The following PRKAG2 variants were observed in gnomAD, a reference collection of about 807,000 sequenced individuals.
The protein encoded by PRKAG2 is protein kinase AMP-activated non-catalytic subunit gamma 2.
In PRKAG2, 26 loss-of-function variants were observed where a neutral mutation model predicts 69.6. The observed-to-expected ratio is 0.37, with a 90% confidence interval of 0.27 to 0.52. The LOEUF is 0.52. Among genes scored for constraint, PRKAG2 ranks in the 20% least tolerant of loss-of-function variants. The pLI is 0.90. For synonymous variants in PRKAG2, 293 were observed against 285.0 expected, an observed-to-expected ratio of 1.03 and a Z score of -0.28; for missense variants, 557 against 740.0, an observed-to-expected ratio of 0.75 and a Z score of 2.87.
intron 5 of PRKAG2, among the ~76,000 whole-genome samples, chr7:151,604,113 C>T (rs574711771): frequency 6.6e-6 from 1 of 152,250 alleles, no homozygotes; most frequent in East Asian, 1.9e-4. Flanking sequence ...GGTCCTCCAG[C>T]ACTGCCTTCA....
intron 3 of PRKAG2, among the ~76,000 whole-genome samples, chr7:151,770,178 G>A (rs374815471): frequency 9.9e-5 from 15 of 152,100 alleles, no homozygotes; most frequent in African/African-American, 3.6e-4. Context: ...TTGCAGGTTC[G>A]ACACAACCGA....
intron 1 of PRKAG2, among the ~76,000 whole-genome samples, chr7:151,819,004 T>C (rs748007082): frequency 1.3e-5 from 2 of 152,238 alleles, no homozygotes; most frequent in Non-Finnish European, 2.9e-5. Flanking sequence ...GTGAACATCC[T>C]TGTTGAAATT....
rs558340980 is a variant in PRKAG2, at chr7:151,596,154, T to C, written c.755-700A>G. Among the ~76,000 whole-genome samples, 227 of 152,162 alleles carry C rather than the reference T, an allele frequency of 1.5e-3. 1 individual carries two copies. The highest frequency in any genetic ancestry group is 2.7e-3 in the Non-Finnish European group (184 of 67,992). On this transcript the variant is annotated intron_variant, in intron 5 of 15. Coordinates refer to ENST00000287878, the MANE Select transcript of PRKAG2 (RefSeq NM_016203.4). ...AGGCAAGACAAAGAAATAAAAGGCA[T>C]CCAAATATGGAAACAAGGAAGTTAA...
chr7:151,632,345 C>CG lies in PRKAG2; in HGVS notation c.685-208dup. The CG allele has an allele frequency of 1.7e-6, 1 of 584,904 alleles. No homozygotes were observed. The highest frequency in any genetic ancestry group is 2.1e-6 in the Non-Finnish European group (1 of 466,728). 36.2% of individuals were successfully genotyped at this position (584,904 alleles called of 1,614,324 possible). ...AGGCCGCCGCCGCCGCCGCAGGTGG[C>CG]GCGGCCGCGGCCCGCGTGCCCCTCC... On this transcript the variant is annotated intron_variant, in intron 4 of 15. Coordinates refer to ENST00000287878, the MANE Select transcript of PRKAG2 (RefSeq NM_016203.4). This position sits in a 1 kb window ranked among gnomAD's most constrained non-coding sequence, Gnocchi z 4.2.
At chr7:151,690,929 T>C (rs1835563493) in intron 3 of PRKAG2, among the ~76,000 whole-genome samples, 1 of 152,252 alleles carries the variant, frequency 6.6e-6, no homozygotes. Flanking sequence ...CCTGGTGCAC[T>C]GTCCCAGCTC....
chr7:151,651,903 G>T (rs529432669), intron 4 of PRKAG2, among the ~76,000 whole-genome samples: 1 of 152,226 alleles, frequency 6.6e-6, no homozygotes, highest in East Asian at 1.9e-4. Context: ...CTGGGGCTGG[G>T]GTTGGATGGG....
At chr7:151,576,161 G>A (rs935996072) in intron 7 of PRKAG2, 6 of 566,294 alleles carry the variant, frequency 1.1e-5, no homozygotes, top group Middle Eastern at 4.9e-4. Context: ...GGCTGGCCTC[G>A]AACTGCTGGG....
chr7:151,823,664 A>C lies in PRKAG2; in HGVS notation c.115-37123T>G, dbSNP rs765846136. On this transcript the variant is annotated intron_variant, in intron 1 of 15. Transcript: ENST00000287878. ...AGGCTAGGGAGAGACGTGGGAAGAGATGACACCCTCCATCTGTTTCTGGAA... is the reference window on the plus strand; with the variant it reads ...AGGCTAGGGAGAGACGTGGGAAGAGCTGACACCCTCCATCTGTTTCTGGAA... Among the ~76,000 whole-genome samples, 7 of 152,052 alleles carry C rather than the reference A, an allele frequency of 4.6e-5. 1 individual carries two copies. Among genetic ancestry groups the C allele is most frequent in the Non-Finnish European group, 1.0e-4 (7 of 68,026 alleles).
chr7:151,606,373 T>C (rs1055429354), intron 5 of PRKAG2, among the ~76,000 whole-genome samples: 3 of 152,334 alleles, frequency 2.0e-5, no homozygotes, highest in East Asian at 3.9e-4. Flanking sequence ...GGTGGCACCA[T>C]CTGTGTTAGT....
intron 4 of PRKAG2, among the ~76,000 whole-genome samples, chr7:151,635,101 T>C (rs548372949): frequency 1.3e-5 from 2 of 152,220 alleles, no homozygotes; most frequent in East Asian, 3.9e-4. Context: ...AGGCACATGC[T>C]ACCACAGGTC....
chr7:151,854,815 C>G (rs867264704), intron 1 of PRKAG2, among the ~76,000 whole-genome samples: 5 of 152,092 alleles, frequency 3.3e-5, no homozygotes, highest in African/African-American at 1.2e-4. Context: ...GGAAGGAGGG[C>G]TCAGTCAAAG....
rs764742900 is a variant in PRKAG2 at position 151,781,186 on chromosome 7, G to A, written c.432C>T (p.Pro144=). Residue 144 remains proline (P), a synonymous_variant, in exon 3 of 16, where the codon CCC becomes CCT. Transcript: ENST00000287878. The surrounding 1 kb of genome is among the most constrained non-coding windows in gnomAD (Gnocchi z 6.1). Reference sequence around the variant, plus strand: ...AGCGGGAGAAAAACCTGATGCCCCCGGGCGAGGTAGCAGGGTTGGAGTTGG... The same window carrying A: ...AGCGGGAGAAAAACCTGATGCCCCCAGGCGAGGTAGCAGGGTTGGAGTTGG... The part of the protein sequence containing the change: ...SSPNSNPATS[P]GGIRFFSRSR... The A allele has an allele frequency of 1.7e-5, 27 of 1,613,962 alleles. No homozygotes were observed. The Middle Eastern group carries it at 6.6e-4, about 39-fold the overall frequency.
chr7:151,624,647 G>A (rs1280058567), intron 5 of PRKAG2, among the ~76,000 whole-genome samples: 1 of 152,060 alleles, frequency 6.6e-6, no homozygotes, highest in Admixed American at 6.6e-5. Flanking sequence ...GCCAGATTCC[G>A]CAGGCGAGCC....
At chr7:151,787,303 CACT>C (rs1357921188) in intron 1 of PRKAG2, among the ~76,000 whole-genome samples, 2 of 152,158 alleles carry the variant, frequency 1.3e-5, no homozygotes, top group African/African-American at 4.8e-5. Flanking sequence ...TAGCCGTCAC[CACT>C]GTCATCTCTA....
intron 3 of PRKAG2, among the ~76,000 whole-genome samples, chr7:151,686,363 G>A (rs909317012): frequency 5.9e-5 from 9 of 152,096 alleles, no homozygotes; most frequent in Admixed American, 1.3e-4. Flanking sequence ...CATGTGGTCC[G>A]AGTGCCTCCA....
intron 1 of PRKAG2, among the ~76,000 whole-genome samples, chr7:151,856,573 G>A (rs1003819449): frequency 6.6e-6 from 1 of 152,208 alleles, no homozygotes; most frequent in African/African-American, 2.4e-5. Flanking sequence ...CTGAGCCTCC[G>A]TTTCTCCAAC....
chr7:151,765,230 C>T (rs6945764), intron 3 of PRKAG2, among the ~76,000 whole-genome samples: 178 of 152,304 alleles, frequency 1.2e-3, no homozygotes, highest in Middle Eastern at 6.8e-3. Context: ...CCTCAGGAAA[C>T]TTACAATCAT....
In PRKAG2 at chr7:151,850,314, A is replaced by G. The variant is rs1318521854; in HGVS notation, c.114+26193T>C. On this transcript the variant is annotated intron_variant, in intron 1 of 15. Transcript: ENST00000287878. The surrounding 1 kb of genome is among the most constrained non-coding windows in gnomAD (Gnocchi z 4.1). Reference sequence around the variant, plus strand: ...GTGTTTAATGGAAAGACGCCTGTCCAGAAGGTTTCTCCTGGAAGGAGGGAT... The same window carrying G: ...GTGTTTAATGGAAAGACGCCTGTCCGGAAGGTTTCTCCTGGAAGGAGGGAT... Among the ~76,000 whole-genome samples the G allele has an allele frequency of 6.6e-6, 1 of 152,256 alleles. No individual in the cohort carries two copies. The highest frequency in any genetic ancestry group is 1.5e-5 in the Non-Finnish European group (1 of 68,048).
chr7:151,750,893 AT>A (rs1391427767), intron 3 of PRKAG2, among the ~76,000 whole-genome samples: 16 of 151,622 alleles, frequency 1.1e-4, no homozygotes, highest in Middle Eastern at 3.4e-3. Context: ...AAAAAAAAAA[AT>A]TTGTTAAGGT....
Sources: gnomAD v4.1 joint callset for allele counts (sites outside exome capture counted in the v4.1 genomes callset) on GRCh38, gnomAD v4.1.1 for gene constraint, Gnocchi (gnomAD v3.1) non-coding constraint, MANE v1.5 for transcripts, NCBI Gene and HGNC (gene_info 2026-07-23, HGNC 2026-07-21) for gene names.